The following NEB variants were observed in gnomAD, a reference collection of about 807,000 sequenced individuals.
The protein encoded by NEB is nemaline myopathy type 2.
A neutral mutation model predicts 952.2 loss-of-function variants in NEB; 512 were observed. The ratio of observed to expected loss-of-function variants is 0.54; its 90% confidence interval spans 0.50 to 0.58. NEB has a LOEUF of 0.58. Among genes scored for constraint, NEB ranks in the 20% least tolerant of loss-of-function variants. The pLI is 0.00. For missense variants in NEB, 8,428 were observed against 9,231.1 expected (o/e 0.91, Z 3.56); for synonymous variants, 2,900 against 3,149.8 (o/e 0.92, Z 2.66).
Position 151,525,216 on chromosome 2 carries a change from G to A in NEB, c.22219C>T (p.Leu7407=), listed in dbSNP as rs745959432. ...EKGKSNYSIM[L]EPPEVKHAME... ...GCATGTTTCACCTCTGGTGGCTCCA[G>A]CATGATGGAGTAGTTGGATTTTCCT... Residue 7407 remains leucine (L), a synonymous_variant, in exon 151 of 182, where the codon CTG becomes TTG. Transcript: ENST00000397345. 1.9e-6 allele frequency: 3 copies of A among 1,613,832 alleles called. No homozygotes were observed. The African/African-American group carries it at 4.0e-5, about 22-fold the overall frequency.
At chr2:151,561,619 A>G (rs1389378536) in intron 121 of NEB, among the ~76,000 whole-genome samples, 2 of 128,058 alleles carry the variant, frequency 1.6e-5, no homozygotes, top group African/African-American at 3.0e-5. Flanking sequence ...TTATTATTAT[A>G]CTTTAAGTTT....
chr2:151,730,033 G>A (rs2099802062), intron 3 of NEB, among the ~76,000 whole-genome samples: 1 of 152,186 alleles, frequency 6.6e-6, no homozygotes, highest in Admixed American at 6.5e-5. Flanking sequence ...GTTGGGCAGA[G>A]AGGAACTGTG....
intron 4 of NEB, among the ~76,000 whole-genome samples, chr2:151,728,216 G>A (rs1403477954): frequency 6.6e-6 from 1 of 152,152 alleles, no homozygotes; most frequent in East Asian, 1.9e-4. Context: ...GGGGAAATTG[G>A]CAATAAACTA....
intron 63 of NEB, among the ~76,000 whole-genome samples, chr2:151,637,280 G>C (rs563594942): frequency 6.6e-6 from 1 of 152,284 alleles, no homozygotes; most frequent in African/African-American, 2.4e-5. Flanking sequence ...ACTTTGAGCA[G>C]AGTTTCAGTA....
intron 47 of NEB, among the ~76,000 whole-genome samples, 165 bp from the exon 48 acceptor site, chr2:151,658,255 G>A (rs1476080279): frequency 1.3e-5 from 2 of 151,840 alleles, no homozygotes; most frequent in African/African-American, 2.4e-5. Context: ...AACTGTGTTT[G>A]AAAAACAATC....
At chr2:151,548,004 T>C (rs2094919120) in intron 131 of NEB, among the ~76,000 whole-genome samples, 1 of 152,150 alleles carries the variant, frequency 6.6e-6, no homozygotes, top group Admixed American at 6.5e-5. Context: ...AAAACCAGGA[T>C]CATGAGTCAG....
chr2:151,576,271 G>A lies in NEB; in HGVS notation c.16788C>T (p.Asn5596=), dbSNP rs186902443. Residue 5596 remains asparagine (N), a synonymous_variant, in exon 106 of 182, where the codon AAC becomes AAT. Coordinates refer to ENST00000397345, the MANE Select transcript of NEB (RefSeq NM_001164508.2). The part of the protein sequence containing the change: ...QGSPEVLRVK[N]AQNIFCDSVY... ...CACTGTCACAAAAGATATTCTGGGC[G>A]TTTTTGACTCTCAACACTTCAGGAG... 1.9e-4 allele frequency: 309 copies of A among 1,610,828 alleles called. No homozygotes were observed. In the African/African-American group the frequency reaches 3.8e-3, roughly 20 times the overall value.
In NEB at chr2:151,621,016, C is replaced by T. The variant is rs371605774; in HGVS notation, c.10463G>A (p.Arg3488His). 2,251 of 1,607,810 alleles carry T rather than the reference C, an allele frequency of 1.4e-3. 44 individuals carry two copies. The South Asian group carries it at 0.023, about 17-fold the overall frequency. The stretch of plus-strand genomic sequence containing the variant: ...TTTCTTGGCTTCTTCCATGGCCTGA[C>T]GATAGAGGCTCTGAGGAAAGAAGGA... ...NKINYSESLY[R>H]QAMEEAKKEG... is the part of the protein sequence containing the mutation. Residue 3488 changes from arginine (R) to histidine (H), a missense_variant, in exon 72 of 182, where the codon CGT (arginine) becomes CAT (histidine). Physicochemically the swap from Arg to His is conservative, Grantham distance 29. This residue lies in a region of NEB where 1,772 missense variants were observed against 1,960.3 expected (regional missense o/e 0.90). Transcript: ENST00000397345.
intron 136 of NEB, 25 bp downstream of exon 136, chr2:151,541,422 C>T (rs1406557152): frequency 3.2e-6 from 5 of 1,569,906 alleles, no homozygotes; most frequent in African/African-American, 2.7e-5. Context: ...GCCTGAGTGG[C>T]AGGCTTATGA....
intron 119 of NEB, among the ~76,000 whole-genome samples, chr2:151,563,011 CTTTTTTTTTTTT>C (rs397868741): frequency 1.1e-5 from 1 of 93,340 alleles, no homozygotes; most frequent in Non-Finnish European, 2.1e-5. Context: ...AATTTCCCAT[CTTTTTTTTTTTT>C]TTTTTTTTTG....
chr2:151,663,026 T>G (rs576068953), intron 45 of NEB, among the ~76,000 whole-genome samples: 1 of 152,302 alleles, frequency 6.6e-6, no homozygotes, highest in Admixed American at 6.5e-5. Flanking sequence ...ATGGACTCTT[T>G]AGCTAAATTC....
At chr2:151,516,626 G>T in intron 156 of NEB, 63 bp from the exon 157 acceptor site, 2 of 1,099,782 alleles carry the variant, frequency 1.8e-6, no homozygotes, top group Non-Finnish European at 2.7e-6. Flanking sequence ...GCAGTTTAAG[G>T]ATAGTATTTT....
At chr2:151,617,308 G>T in intron 75 of NEB, 56 bp downstream of exon 75, 1 of 1,209,864 alleles carries the variant, frequency 8.3e-7, no homozygotes. Context: ...TAAGGAAACA[G>T]CTACAGTGGT....
chr2:151,500,819 G>A (rs974269536), intron 168 of NEB, among the ~76,000 whole-genome samples: 12 of 151,880 alleles, frequency 7.9e-5, no homozygotes, highest in African/African-American at 1.9e-4. Context: ...GGCTGGTCTC[G>A]ACCTCCTGGG....
At chr2:151,670,384 C>A (rs904308381) in intron 38 of NEB, among the ~76,000 whole-genome samples, 12 of 152,142 alleles carry the variant, frequency 7.9e-5, no homozygotes, top group Admixed American at 3.9e-4. Flanking sequence ...CATGTGAGGC[C>A]CTGAGCATTG....
chr2:151,575,576 AGTCTTC>A lies in NEB; in HGVS notation c.17013+113_17013+118del, dbSNP rs565642365. On this transcript the variant is annotated intron_variant, in intron 107 of 181. Coordinates refer to ENST00000397345, the MANE Select transcript of NEB (RefSeq NM_001164508.2). ...TCCTAGTCAAGGGGTGACCACAAGGAGTCTTCCCCTGTTGCGGGAAGTCAGGGACCG... is the reference window on the plus strand; with the variant it reads ...TCCTAGTCAAGGGGTGACCACAAGGACCCTGTTGCGGGAAGTCAGGGACCG... The A allele has an allele frequency of 1.3e-4, 94 of 720,400 alleles. No individual in the cohort carries two copies. In the East Asian group the frequency reaches 2.1e-3, roughly 16 times the overall value. 44.6% of individuals were successfully genotyped at this position (720,400 alleles called of 1,614,324 possible).
chr2:151,503,957 T>A (rs531998257), intron 165 of NEB, among the ~76,000 whole-genome samples: 1 of 152,302 alleles, frequency 6.6e-6, no homozygotes, highest in East Asian at 1.9e-4. Context: ...ATCAGTTTAT[T>A]TTTCAGGAAG....
intron 54 of NEB, among the ~76,000 whole-genome samples, chr2:151,648,315 G>C (rs1306917361): frequency 6.6e-6 from 1 of 152,040 alleles, no homozygotes; most frequent in Non-Finnish European, 1.5e-5. Context: ...GTTTGTTATG[G>C]TGCATATAAC....
chr2:151,650,038 A>C, intron 54 of NEB, 138 bp downstream of exon 54: 1 of 814,396 alleles, frequency 1.2e-6, no homozygotes, highest in Non-Finnish European at 1.9e-6. Flanking sequence ...AATTCAAATA[A>C]AATGATCCAA....
Sources: allele counts gnomAD v4.1 joint callset (sites outside exome capture counted in the v4.1 genomes callset), GRCh38; gene constraint gnomAD v4.1.1; regional missense constraint gnomAD v4.1.1; transcripts MANE v1.5; gene names NCBI Gene and HGNC (gene_info 2026-07-23, HGNC 2026-07-21).